Variants in CSF2RA observed in about 807,000 individuals in gnomAD.
CSF2RA encodes the protein colony stimulating factor 2 receptor subunit alpha.
A neutral mutation model predicts 51.6 loss-of-function variants in CSF2RA; 42 were observed. The ratio of observed to expected loss-of-function variants is 0.81; its 90% CI spans 0.64 to 1.05. The LOEUF is 1.05. CSF2RA is among the 50% of genes least tolerant of loss of function. CSF2RA has a pLI of 0.00. For synonymous variants in CSF2RA, 222 were observed against 193.0 expected (o/e 1.15, Z -1.24); for missense variants, 530 against 501.1 (o/e 1.06, Z -0.55).
At chrX:1,283,793 C>A (rs2090330464) in intron 3 of CSF2RA, among the ~76,000 whole-genome samples, 1 of 151,970 alleles carries the variant, frequency 6.6e-6, no homozygotes, top group South Asian at 2.1e-4. Context: ...TGGTCTCAAT[C>A]TCCTGGCCTC....
At chrX:1,269,641 A>AG (rs2088096707) in intron 1 of CSF2RA, among the ~76,000 whole-genome samples, 2 of 77,274 alleles carry the variant, frequency 2.6e-5, no homozygotes, top group Non-Finnish European at 3.4e-5. Context: ...GAAAAAGAAA[A>AG]AAAAAGAGAT....
the CSF2RA span, among the ~76,000 whole-genome samples, chrX:1,315,684 CG>C: frequency 6.6e-6 from 1 of 151,898 alleles, no homozygotes; most frequent in Non-Finnish European, 1.5e-5. Flanking sequence ...GGATTACAGG[CG>C]TGAGCCACCT....
intron 9 of CSF2RA, among the ~76,000 whole-genome samples, chrX:1,298,877 C>T (rs1415463716): frequency 1.3e-5 from 2 of 152,134 alleles, no homozygotes; most frequent in African/African-American, 4.8e-5. Flanking sequence ...GAGCCTGCCC[C>T]ACGTCTACCT....
chrX:1,315,735 C>T, the CSF2RA span, among the ~76,000 whole-genome samples: 1 of 150,736 alleles, frequency 6.6e-6, no homozygotes, highest in Non-Finnish European at 1.5e-5. Context: ...AGATGATAGA[C>T]ATAGATAGAT....
chrX:1,285,848 G>A lies in CSF2RA; in HGVS notation c.147G>A (p.Trp49Ter). Residue 49 changes from tryptophan to a stop codon, truncating the protein, a stop_gained, in exon 4 of 13, where the codon TGG (tryptophan) becomes TGA (stop). Transcript: ENST00000381529. LOFTEE classifies it high-confidence loss of function. ...RFDSRTMNLS[W>*]DCQENTTFSK... ...ACTCCAGGACGATGAATTTAAGCTGGGACTGCCAAGAAAACACAACCTTCA... is the reference window on the plus strand; with the variant it reads ...ACTCCAGGACGATGAATTTAAGCTGAGACTGCCAAGAAAACACAACCTTCA... 1 of 1,613,798 alleles carries A rather than the reference G, an allele frequency of 6.2e-7. No homozygotes were observed.
At chrX:1,311,452 T>A (rs1185883085), downstream of CSF2RA, among the ~76,000 whole-genome samples, 3 of 150,884 alleles carry the variant, frequency 2.0e-5, no homozygotes, top group East Asian at 2.0e-4. Flanking sequence ...TTTTTTTTTT[T>A]AAGTTGGAGT....
At chrX:1,279,376 A>T (rs2089607184) in intron 2 of CSF2RA, among the ~76,000 whole-genome samples, 1 of 151,920 alleles carries the variant, frequency 6.6e-6, no homozygotes, top group Non-Finnish European at 1.5e-5. Flanking sequence ...TAATAATAAT[A>T]ATAATAACTA....
chrX:1,315,107 T>C (rs2084517777), downstream of CSF2RA, among the ~76,000 whole-genome samples: 1 of 151,582 alleles, frequency 6.6e-6, no homozygotes. Context: ...TGCATGCAGG[T>C]GGGAGTCACA....
chrX:1,309,257 G>C (rs1271321257), intron 12 of CSF2RA, 145 bp from the exon 13 acceptor site: 1 of 822,086 alleles, frequency 1.2e-6, no homozygotes, highest in Non-Finnish European at 2.0e-6. Context: ...CGAGGTTGCA[G>C]TGAGCTGAGA....
chrX:1,273,769 T>TTG (rs1463964145), intron 1 of CSF2RA, among the ~76,000 whole-genome samples: 9 of 120,662 alleles, frequency 7.5e-5, no homozygotes, highest in African/African-American at 1.1e-4. Flanking sequence ...TTTTTTGTAT[T>TTG]TTTTTTTTTT....
downstream of CSF2RA, among the ~76,000 whole-genome samples, chrX:1,314,981 A>ACCCCACT (rs1569515172): frequency 2.9e-4 from 33 of 112,594 alleles, 2 homozygotes; most frequent in African/African-American, 1.0e-3. Flanking sequence ...TGCCTGCCCA[A>ACCCCACT]TCGCACTGCA....
intron 6 of CSF2RA, among the ~76,000 whole-genome samples, chrX:1,290,040 TTTTG>T (rs2091237349): frequency 6.6e-6 from 1 of 151,248 alleles, no homozygotes. Context: ...TTTTGTTTTG[TTTTG>T]TGTTTTTGTT....
downstream of CSF2RA, among the ~76,000 whole-genome samples, chrX:1,313,091 A>G (rs1249550388): frequency 1.3e-5 from 2 of 152,084 alleles, no homozygotes; most frequent in Admixed American, 6.6e-5. Context: ...CAGAGACCTC[A>G]GGCCCTATTT....
At chrX:1,273,926 T>C (rs1236483914) in intron 1 of CSF2RA, among the ~76,000 whole-genome samples, 1 of 151,922 alleles carries the variant, frequency 6.6e-6, no homozygotes, top group Non-Finnish European at 1.5e-5. Flanking sequence ...AAAATCCTTG[T>C]TATACCGTGG....
intron 12 of CSF2RA, among the ~76,000 whole-genome samples, 177 bp from the exon 13 acceptor site, chrX:1,309,225 G>C (rs1466224025): frequency 1.3e-5 from 2 of 152,130 alleles, no homozygotes; most frequent in Non-Finnish European, 2.9e-5. Flanking sequence ...TGAGGCAGGA[G>C]AATCGCTTGA....
chrX:1,268,987 A>C, intron 1 of CSF2RA, 108 bp downstream of exon 1: 1 of 418,524 alleles, frequency 2.4e-6, no homozygotes, highest in East Asian at 7.2e-5. Context: ...CTGGAACATA[A>C]GATTTCAAAC....
chrX:1,279,846 G>A (rs1465730703), intron 2 of CSF2RA, among the ~76,000 whole-genome samples: 1 of 151,938 alleles, frequency 6.6e-6, no homozygotes, highest in African/African-American at 2.4e-5. Flanking sequence ...CTGGAGGGCA[G>A]TGGCGCGATC....
chrX:1,318,596 G>A, the CSF2RA span, among the ~76,000 whole-genome samples: 1 of 151,952 alleles, frequency 6.6e-6, no homozygotes, highest in Non-Finnish European at 1.5e-5. Flanking sequence ...AAAAGACTTT[G>A]GAGAGGTTTG....
chrX:1,289,757 T>A (rs1252496625), intron 6 of CSF2RA, among the ~76,000 whole-genome samples: 1 of 151,728 alleles, frequency 6.6e-6, no homozygotes, highest in Non-Finnish European at 1.5e-5. Context: ...TGTTTGTTTT[T>A]GTTTTGTGTT....
Sources: gnomAD v4.1 joint callset for allele counts (sites outside exome capture counted in the v4.1 genomes callset) on GRCh38, gnomAD v4.1.1 for gene constraint, MANE v1.5 for transcripts, NCBI Gene and HGNC (gene_info 2026-07-23, HGNC 2026-07-21) for gene names.